Variants in TDRD10 observed in about 807,000 individuals in gnomAD.
TDRD10 encodes tudor domain containing 10.
In TDRD10, 40 loss-of-function variants were observed where a neutral mutation model predicts 48.0. The observed-to-expected ratio is 0.83, with a 90% CI of 0.65 to 1.09. The LOEUF (loss-of-function observed/expected upper bound fraction) is 1.09. TDRD10 is among the 50% of genes least tolerant of loss of function. The probability of loss-of-function intolerance (pLI) is 0.00; values close to 1 mark genes in which losing one functional copy is unlikely to be tolerated. For missense variants in TDRD10, 378 were observed against 434.7 expected (o/e 0.87, Z 1.16); for synonymous variants, 162 against 170.4 (o/e 0.95, Z 0.38).
chr1:154,534,831 A>G (rs953356652), intron 6 of TDRD10, among the ~76,000 whole-genome samples: 1 of 149,414 alleles, frequency 6.7e-6, no homozygotes, highest in South Asian at 2.2e-4. Flanking sequence ...ACACGCATCC[A>G]GGCAGTGTTC....
At chr1:154,528,390 A>AT (rs1375847196) in intron 6 of TDRD10, among the ~76,000 whole-genome samples, 4 of 151,660 alleles carry the variant, frequency 2.6e-5, no homozygotes, top group African/African-American at 9.7e-5. Flanking sequence ...CGCGCAGCAA[A>AT]TTTTTTTGTG....
chr1:154,512,498 C>T (rs532429931), intron 4 of TDRD10, among the ~76,000 whole-genome samples: 5 of 152,232 alleles, frequency 3.3e-5, no homozygotes, highest in African/African-American at 1.2e-4. Flanking sequence ...GCATGCACCA[C>T]CATGCCTGGC....
chr1:154,510,922 T>A (rs1180122137), intron 4 of TDRD10, among the ~76,000 whole-genome samples: 1 of 151,068 alleles, frequency 6.6e-6, no homozygotes, highest in African/African-American at 2.4e-5. Flanking sequence ...GGTGGGCGCC[T>A]GTAGTCCCAG....
intron 4 of TDRD10, among the ~76,000 whole-genome samples, chr1:154,519,671 C>G (rs1368246357): frequency 6.6e-6 from 1 of 152,084 alleles, no homozygotes; most frequent in East Asian, 1.9e-4. Flanking sequence ...GCTCTTTCTA[C>G]AAGTTTGGCA....
intron 3 of TDRD10, among the ~76,000 whole-genome samples, chr1:154,508,135 G>A (rs980039966): frequency 1.3e-5 from 2 of 152,204 alleles, no homozygotes; most frequent in Admixed American, 6.5e-5. Flanking sequence ...ATTGCTGAAT[G>A]ATTGGGTACA....
intron 4 of TDRD10, 123 bp from the exon 5 acceptor site, chr1:154,520,181 A>G (rs1570924903): frequency 2.8e-6 from 2 of 710,678 alleles, no homozygotes; most frequent in South Asian, 1.6e-5. Flanking sequence ...TACAGCACAT[A>G]ATAGATCCTC....
intron 4 of TDRD10, among the ~76,000 whole-genome samples, chr1:154,511,110 T>C (rs1173641205): frequency 6.6e-6 from 1 of 151,952 alleles, no homozygotes; most frequent in Non-Finnish European, 1.5e-5. Context: ...TTAACTTTTT[T>C]GTTTGTTTGT....
intron 1 of TDRD10, among the ~76,000 whole-genome samples, chr1:154,506,621 C>T (rs557289906): frequency 6.6e-6 from 1 of 152,318 alleles, no homozygotes; most frequent in South Asian, 2.1e-4. Context: ...GGTGATCCAC[C>T]CGCCTCGGCC....
Position 154,547,727 on chromosome 1 carries a change from A to G in TDRD10, c.*17A>G. On this transcript the variant is annotated 3_prime_UTR_variant, in exon 13 of 13. Coordinates refer to ENST00000368482, the MANE Select transcript of TDRD10 (RefSeq NM_182499.4). ...TCTAAATAACGGGGCTTCCCTCAGC[A>G]TGTTCCCTCTCCTGTTTGCCACGGA... 6.2e-7 allele frequency: 1 copy of G among 1,612,882 alleles called. No homozygotes were observed. The highest frequency in any genetic ancestry group is 2.2e-5 in the East Asian group (1 of 44,886).
intron 4 of TDRD10, among the ~76,000 whole-genome samples, chr1:154,511,733 A>G (rs1252284673): frequency 1.3e-5 from 2 of 152,114 alleles, no homozygotes; most frequent in Non-Finnish European, 2.9e-5. Context: ...CTGTAGTCCC[A>G]GCTACTCGAG....
chr1:154,521,310 CTTCCCTTTTCAGCTT>C lies in TDRD10; in HGVS notation c.213-11_216del, dbSNP rs1694042604. On this transcript the variant is annotated splice_acceptor_variant and splice_polypyrimidine_tract_variant and coding_sequence_variant and intron_variant, in exon 6 of 13. Coordinates refer to ENST00000368482, the MANE Select transcript of TDRD10 (RefSeq NM_182499.4). LOFTEE classifies it high-confidence loss of function. The stretch of plus-strand genomic sequence containing the variant: ...ATGTGCTCAAAGCCTCCCTCTCTCT[CTTCCCTTTTCAGCTT>C]TGCATTTGTAGATCTGGGCTCCATG... The C allele has an allele frequency of 2.5e-6, 4 of 1,613,776 alleles. No individual in the cohort carries two copies. Among genetic ancestry groups the C allele is most frequent in the Non-Finnish European group, 3.4e-6 (4 of 1,179,818 alleles).
chr1:154,532,185 G>A (rs373966160), intron 6 of TDRD10, among the ~76,000 whole-genome samples: 9 of 152,302 alleles, frequency 5.9e-5, no homozygotes, highest in East Asian at 3.9e-4. Context: ...AGCCCATGGC[G>A]GGGTGGTGGG....
intron 3 of TDRD10, 27 bp from the exon 4 acceptor site, chr1:154,508,396 G>C (rs558638219): frequency 6.5e-7 from 1 of 1,533,868 alleles, no homozygotes; most frequent in South Asian, 1.1e-5. Context: ...ATGTATGCCT[G>C]CCATTTAATG....
intron 4 of TDRD10, among the ~76,000 whole-genome samples, chr1:154,512,895 G>A (rs1557815677): frequency 6.6e-6 from 1 of 152,112 alleles, no homozygotes; most frequent in East Asian, 1.9e-4. Context: ...TTTAGAGGTG[G>A]TGTTCTTAAT....
intron 5 of TDRD10, 113 bp downstream of exon 5, chr1:154,520,487 A>C: frequency 1.3e-6 from 1 of 770,858 alleles, no homozygotes; most frequent in Admixed American, 2.1e-5. Flanking sequence ...GTCCACACCC[A>C]CTCTGACTTG....
At chr1:154,524,854 G>A (rs539708334) in intron 6 of TDRD10, among the ~76,000 whole-genome samples, 1 of 152,218 alleles carries the variant, frequency 6.6e-6, no homozygotes, top group African/African-American at 2.4e-5. Flanking sequence ...AAGGCCTCCC[G>A]GTACTTGTCC....
chr1:154,521,878 G>A (rs757758031), intron 6 of TDRD10, among the ~76,000 whole-genome samples: 21 of 152,104 alleles, frequency 1.4e-4, no homozygotes, highest in Non-Finnish European at 2.2e-4. Flanking sequence ...GCTCTTCCTG[G>A]CAGGAAGATA....
At chr1:154,517,667 C>G (rs1038129204) in intron 4 of TDRD10, among the ~76,000 whole-genome samples, 1 of 152,192 alleles carries the variant, frequency 6.6e-6, no homozygotes, top group East Asian at 1.9e-4. Flanking sequence ...GGTGATCTGC[C>G]CACCTCAGCC....
chr1:154,520,193 T>G, intron 4 of TDRD10, 111 bp from the exon 5 acceptor site: 1 of 758,154 alleles, frequency 1.3e-6, no homozygotes, highest in Non-Finnish European at 2.3e-6. Flanking sequence ...TAGATCCTCA[T>G]TAAGTATGAG....
Sources: allele counts gnomAD v4.1 joint callset (sites outside exome capture counted in the v4.1 genomes callset), GRCh38; gene constraint gnomAD v4.1.1; transcripts MANE v1.5; gene names NCBI Gene and HGNC (gene_info 2026-07-23, HGNC 2026-07-21).